NAALADL2: variants seen among roughly 807,000 people sequenced by gnomAD.
The protein encoded by NAALADL2 is N-acetylated alpha-linked acidic dipeptidase like 2.
Under a neutral mutation model 87.2 loss-of-function variants are expected in NAALADL2, and 76 were observed. The observed-to-expected ratio is 0.87, with a 90% CI of 0.72 to 1.05. The LOEUF (loss-of-function observed/expected upper bound fraction) is 1.05. Among genes scored for constraint, NAALADL2 ranks in the 50% least tolerant of loss-of-function variants. NAALADL2 has a pLI of 0.00. For missense variants in NAALADL2, 1,089 were observed against 945.8 expected (o/e 1.15, Z -1.99); for synonymous variants, 354 against 331.0 (o/e 1.07, Z -0.75).
At chr3:174,557,616 A>G (rs1578165039) in intron 2 of NAALADL2, among the ~76,000 whole-genome samples, 1 of 152,166 alleles carries the variant, frequency 6.6e-6, no homozygotes, top group East Asian at 1.9e-4. Flanking sequence ...TCATGGAGAA[A>G]TATTTTCATC....
intron 2 of NAALADL2, among the ~76,000 whole-genome samples, chr3:174,730,740 T>C (rs2108981637): frequency 6.6e-6 from 1 of 152,226 alleles, no homozygotes; most frequent in East Asian, 1.9e-4. Context: ...TGTTTGTTTC[T>C]TGAAATAGCT....
At chr3:174,478,433 A>G (rs936671214) in intron 1 of NAALADL2, among the ~76,000 whole-genome samples, 9 of 152,096 alleles carry the variant, frequency 5.9e-5, no homozygotes, top group Non-Finnish European at 1.3e-4. Flanking sequence ...ATATATAGAT[A>G]AAATAATGTT....
At chr3:174,761,412 T>C (rs1218085909) in intron 3 of NAALADL2, among the ~76,000 whole-genome samples, 1 of 152,112 alleles carries the variant, frequency 6.6e-6, no homozygotes, top group East Asian at 1.9e-4. Context: ...TTTAATGTCT[T>C]ACAGTAGAAA....
chr3:175,628,617 G>GTATATATATATATA (rs34276529), intron 11 of NAALADL2, among the ~76,000 whole-genome samples: 37 of 139,196 alleles, frequency 2.7e-4, no homozygotes, highest in African/African-American at 9.4e-4. Flanking sequence ...CTCTCTCTAT[G>GTATATATATATATA]TATATATATA....
intron 9 of NAALADL2, among the ~76,000 whole-genome samples, chr3:175,543,144 A>T (rs1187885565): frequency 1.3e-5 from 2 of 152,058 alleles, no homozygotes; most frequent in Non-Finnish European, 2.9e-5. Flanking sequence ...TCCACCTAAT[A>T]CCCTGTTTTT....
intron 1 of NAALADL2, among the ~76,000 whole-genome samples, chr3:174,872,757 T>C (rs569054122): frequency 5.8e-4 from 82 of 141,854 alleles, no homozygotes; most frequent in African/African-American, 2.2e-3. Flanking sequence ...CACACACACA[T>C]TTCATGTAGC....
intron 2 of NAALADL2, among the ~76,000 whole-genome samples, chr3:174,675,406 G>A (rs1578508322): frequency 1.3e-5 from 2 of 152,036 alleles, no homozygotes; most frequent in South Asian, 2.1e-4. Flanking sequence ...AGCTTTTCAA[G>A]ATTAATTTTT....
In NAALADL2 at chr3:175,806,923, A is replaced by G. The variant is rs1576886593; in HGVS notation, c.*3720A>G. On this transcript the variant is annotated 3_prime_UTR_variant, in exon 14 of 14. Coordinates refer to ENST00000454872, the MANE Select transcript of NAALADL2 (RefSeq NM_207015.3). ...TTGAAAATGTTAACATATTTCTCCA[A>G]AACTGATCAGACTGTGGAGTCTGTC... 2 of 151,882 alleles carry G rather than the reference A, an allele frequency of 1.3e-5. No homozygotes were observed. The highest frequency in any genetic ancestry group is 3.4e-3 in the Middle Eastern group (1 of 294). 9.4% of individuals were successfully genotyped at this position (151,882 alleles called of 1,614,324 possible). A position where few individuals can be genotyped will look rare whatever the true frequency, so the allele number is the denominator to read the frequency against.
chr3:174,781,299 G>T (rs1715955754), intron 3 of NAALADL2, among the ~76,000 whole-genome samples: 1 of 151,830 alleles, frequency 6.6e-6, no homozygotes. Flanking sequence ...GGTGTTCTCT[G>T]TATTTCCTGA....
chr3:175,365,943 A>T (rs1357462347), intron 5 of NAALADL2, among the ~76,000 whole-genome samples: 1 of 143,932 alleles, frequency 6.9e-6, no homozygotes, highest in Non-Finnish European at 1.5e-5. Flanking sequence ...ATATGTATAC[A>T]TGTGCCATGC....
intron 2 of NAALADL2, among the ~76,000 whole-genome samples, chr3:174,618,957 C>A (rs796302541): frequency 2.0e-5 from 3 of 151,938 alleles, no homozygotes; most frequent in African/African-American, 7.2e-5. Flanking sequence ...GGTACATGAA[C>A]CTTTCAATGG....
intron 13 of NAALADL2, among the ~76,000 whole-genome samples, chr3:175,796,015 C>G (rs1418666781): frequency 7.0e-6 from 1 of 142,270 alleles, no homozygotes; most frequent in Non-Finnish European, 1.5e-5. Flanking sequence ...CCTCTTCCAG[C>G]AGGCTAACTA....
chr3:175,398,594 C>A (rs2149048969), intron 5 of NAALADL2, among the ~76,000 whole-genome samples: 1 of 152,012 alleles, frequency 6.6e-6, no homozygotes, highest in Admixed American at 6.6e-5. Context: ...AAAGGAACTG[C>A]TGAGTTGAAC....
intron 6 of NAALADL2, among the ~76,000 whole-genome samples, chr3:175,452,848 G>C (rs1028684349): frequency 6.6e-6 from 1 of 152,124 alleles, no homozygotes; most frequent in African/African-American, 2.4e-5. Context: ...TGAGCGTAGG[G>C]GGGAACCTAT....
intron 2 of NAALADL2, among the ~76,000 whole-genome samples, chr3:174,671,090 A>T (rs926096535): frequency 1.3e-5 from 2 of 152,108 alleles, no homozygotes; most frequent in Non-Finnish European, 2.9e-5. Context: ...AGCTGAGCAG[A>T]TGCCAGCGTC....
chr3:175,138,872 A>G (rs1046725239), intron 2 of NAALADL2, among the ~76,000 whole-genome samples: 6 of 132,224 alleles, frequency 4.5e-5, no homozygotes, highest in Non-Finnish European at 9.3e-5. Flanking sequence ...CAGAAAAAAA[A>G]TTTCAGCCTT....
intron 3 of NAALADL2, among the ~76,000 whole-genome samples, chr3:175,245,597 A>C (rs1747835452): frequency 6.6e-6 from 1 of 152,204 alleles, no homozygotes; most frequent in African/African-American, 2.4e-5. Flanking sequence ...ATTGAAACAT[A>C]GTCACTGTGC....
intron 13 of NAALADL2, among the ~76,000 whole-genome samples, chr3:175,763,649 TATA>T (rs1337419492): frequency 2.0e-5 from 3 of 152,148 alleles, no homozygotes; most frequent in South Asian, 2.1e-4. Context: ...CACACAAAAA[TATA>T]ATGACAAAGG....
intron 4 of NAALADL2, among the ~76,000 whole-genome samples, chr3:175,266,353 T>C (rs183892052): frequency 6.7e-6 from 1 of 148,826 alleles, no homozygotes; most frequent in Non-Finnish European, 1.5e-5. Flanking sequence ...ATCAATTTTT[T>C]ATTAAAAAAT....
Sources: allele counts gnomAD v4.1 joint callset (sites outside exome capture counted in the v4.1 genomes callset), GRCh38; gene constraint gnomAD v4.1.1; transcripts MANE v1.5; gene names NCBI Gene and HGNC (gene_info 2026-07-23, HGNC 2026-07-21).